Variants in MTBP observed in about 807,000 individuals in gnomAD.
MTBP encodes mdm2-binding protein.
MTBP carries 101 observed loss-of-function variants against 117.0 expected under a neutral mutation model. The ratio of observed to expected loss-of-function variants is 0.86; its 90% CI spans 0.73 to 1.02. The LOEUF is 1.02. MTBP is among the 50% of genes least tolerant of loss of function. The probability of loss-of-function intolerance (pLI) is 0.00; values close to 1 mark genes in which losing one functional copy is unlikely to be tolerated. For missense variants in MTBP, 970 were observed against 1,030.9 expected, an observed-to-expected ratio of 0.94 and a Z score of 0.81; for synonymous variants, 350 against 351.5, an observed-to-expected ratio of 1.00 and a Z score of 0.05.
At chr8:120,481,155 A>G (rs926186049) in intron 11 of MTBP, among the ~76,000 whole-genome samples, 3 of 152,188 alleles carry the variant, frequency 2.0e-5, no homozygotes, top group Non-Finnish European at 4.4e-5. Flanking sequence ...ACTCACTAGA[A>G]TGGCTGTAAT....
At chr8:120,508,957 C>T (rs1291702842) in intron 16 of MTBP, among the ~76,000 whole-genome samples, 2 of 152,104 alleles carry the variant, frequency 1.3e-5, no homozygotes, top group African/African-American at 2.4e-5. Context: ...TTTGATATAT[C>T]GCTGTAGTTC....
chr8:120,510,382 C>T (rs1814775781), intron 17 of MTBP, among the ~76,000 whole-genome samples: 1 of 152,036 alleles, frequency 6.6e-6, no homozygotes, highest in African/African-American at 2.4e-5. Context: ...TAGGGCCCAG[C>T]ATTTCAATAC....
At chr8:120,488,134 TAAC>T (rs1814257198) in intron 11 of MTBP, 22 bp from the exon 12 acceptor site, 4 of 1,559,142 alleles carry the variant, frequency 2.6e-6, no homozygotes, top group Non-Finnish European at 3.5e-6. Flanking sequence ...TTCACATACT[TAAC>T]AAGATAATTG....
intron 17 of MTBP, among the ~76,000 whole-genome samples, chr8:120,511,798 A>G (rs1814815383): frequency 6.6e-6 from 1 of 151,988 alleles, no homozygotes; most frequent in Non-Finnish European, 1.5e-5. Flanking sequence ...ACTGCATCCC[A>G]GTTTTTAGAA....
intron 7 of MTBP, among the ~76,000 whole-genome samples, chr8:120,457,901 G>A (rs1445781189): frequency 1.3e-5 from 2 of 149,220 alleles, no homozygotes; most frequent in Non-Finnish European, 3.0e-5. Context: ...AGCTGAGATC[G>A]CGCCACTGCA....
chr8:120,468,841 T>A (rs930625821), intron 10 of MTBP, among the ~76,000 whole-genome samples: 1 of 152,120 alleles, frequency 6.6e-6, no homozygotes, highest in Non-Finnish European at 1.5e-5. Flanking sequence ...TAGTGCAAGT[T>A]TGGCTTTGGG....
chr8:120,463,247 G>A (rs527575832), intron 9 of MTBP, among the ~76,000 whole-genome samples: 3 of 152,046 alleles, frequency 2.0e-5, no homozygotes, highest in Non-Finnish European at 4.4e-5. Context: ...ATGTATTTAA[G>A]TAAATATAAA....
intron 10 of MTBP, among the ~76,000 whole-genome samples, chr8:120,468,055 G>A (rs574117011): frequency 7.3e-6 from 1 of 137,578 alleles, no homozygotes; most frequent in African/African-American, 2.7e-5. Context: ...ACATTTTTTG[G>A]GTTATGAAGT....
At chr8:120,512,642 G>A (rs1388794445) in intron 17 of MTBP, among the ~76,000 whole-genome samples, 2 of 152,008 alleles carry the variant, frequency 1.3e-5, no homozygotes, top group African/African-American at 2.4e-5. Flanking sequence ...CTGATTCACT[G>A]TAAAAAGTAT....
intron 18 of MTBP, among the ~76,000 whole-genome samples, chr8:120,517,358 TAGC>T (rs1174439577): frequency 2.0e-5 from 3 of 152,024 alleles, no homozygotes; most frequent in African/African-American, 7.2e-5. Flanking sequence ...AATCTATAAA[TAGC>T]AGCACTCTTG....
intron 11 of MTBP, among the ~76,000 whole-genome samples, chr8:120,487,691 T>C (rs1814248043): frequency 6.6e-6 from 1 of 152,224 alleles, no homozygotes; most frequent in South Asian, 2.1e-4. Context: ...TAATGAATGC[T>C]CTCCATTCCC....
At chr8:120,510,084 G>C (rs1814769120) in intron 17 of MTBP, 55 bp downstream of exon 17, 1 of 1,187,648 alleles carries the variant, frequency 8.4e-7, no homozygotes. Context: ...AGCCTGTCTT[G>C]TGTGAAGAGT....
In MTBP at chr8:120,523,431, C is replaced by A; in HGVS notation, c.*95C>A. ...TTGAAAATTATAAACAAATTTTAAG[C>A]TTTATTCAAAGAATAGATGTTATAT... On this transcript the variant is annotated 3_prime_UTR_variant, in exon 22 of 22. Coordinates refer to ENST00000305949, the MANE Select transcript of MTBP (RefSeq NM_022045.5). 1.4e-6 allele frequency: 1 copy of A among 739,222 alleles called. No homozygotes were observed. Among genetic ancestry groups the A allele is most frequent in the Non-Finnish European group, 2.2e-6 (1 of 463,176 alleles). 45.8% of individuals were successfully genotyped at this position (739,222 alleles called of 1,614,324 possible).
rs555669047 is a variant in MTBP at position 120,459,889 on chromosome 8, A to G, written c.882+540A>G. On this transcript the variant is annotated intron_variant, in intron 8 of 21. Coordinates refer to ENST00000305949, the MANE Select transcript of MTBP (RefSeq NM_022045.5). ...TAAGAAGTATCAGTTCTTGCCCTGT[A>G]TCTCCTATACATTTATTCTTAAAAT... Among the ~76,000 whole-genome samples, 57 of 152,290 alleles carry G rather than the reference A, an allele frequency of 3.7e-4. 4 individuals are homozygous for G. The highest frequency in any genetic ancestry group is 1.3e-3 in the African/African-American group (52 of 41,578).
chr8:120,457,641 C>A (rs1160790097), intron 7 of MTBP, among the ~76,000 whole-genome samples: 1 of 152,122 alleles, frequency 6.6e-6, no homozygotes, highest in East Asian at 1.9e-4. Flanking sequence ...CCCACATAGG[C>A]TGGGCGCAGT....
rs377561237 is a variant in MTBP at position 120,459,166 on chromosome 8, T to C, written c.748-49T>C. On this transcript the variant is annotated intron_variant, in intron 7 of 21. Coordinates refer to ENST00000305949, the MANE Select transcript of MTBP (RefSeq NM_022045.5). ...TTGTAATAAGATGTATTAATCTTTA[T>C]AGCATTATTCATGATACTTGTAACT... 8 of 1,489,276 alleles carry C rather than the reference T, an allele frequency of 5.4e-6. No homozygotes were observed. The African/African-American group carries it at 9.8e-5, about 18-fold the overall frequency. 92.3% of individuals were successfully genotyped at this position (1,489,276 alleles called of 1,614,324 possible).
In MTBP at chr8:120,492,872, C is replaced by T. The variant is rs181076205; in HGVS notation, c.1447+2302C>T. 7.2e-5 allele frequency among the ~76,000 whole-genome samples: 11 copies of T among 151,998 alleles called. No homozygotes were observed. In the East Asian group the frequency reaches 2.1e-3, roughly 29 times the overall value. ...TTGTAAGCTTGTGACTTATATTTTACCAAATTTGTTGGTAATTTATGACTT... is the reference window on the plus strand; with the variant it reads ...TTGTAAGCTTGTGACTTATATTTTATCAAATTTGTTGGTAATTTATGACTT... On this transcript the variant is annotated intron_variant, in intron 13 of 21. Coordinates refer to ENST00000305949, the MANE Select transcript of MTBP (RefSeq NM_022045.5).
intron 13 of MTBP, among the ~76,000 whole-genome samples, chr8:120,492,082 A>G (rs962334230): frequency 1.3e-5 from 2 of 152,206 alleles, no homozygotes; most frequent in African/African-American, 4.8e-5. Context: ...GGAACCTGAA[A>G]CTGAAGACAA....
At chr8:120,515,259 G>A (rs866669371) in intron 17 of MTBP, among the ~76,000 whole-genome samples, 7 of 152,092 alleles carry the variant, frequency 4.6e-5, no homozygotes, top group South Asian at 4.2e-4. Context: ...ACAGCTCCTA[G>A]GTGATCTTCC....
Sources: allele counts gnomAD v4.1 joint callset (sites outside exome capture counted in the v4.1 genomes callset), GRCh38; gene constraint gnomAD v4.1.1; transcripts MANE v1.5; gene names NCBI Gene and HGNC (gene_info 2026-07-23, HGNC 2026-07-21).